MUC5B: variants seen among roughly 807,000 people sequenced by gnomAD.
MUC5B encodes the protein mucin-5B.
A neutral mutation model predicts 376.9 loss-of-function variants in MUC5B; 116 were observed. The ratio of observed to expected loss-of-function variants is 0.31; its 90% CI spans 0.26 to 0.36. The LOEUF (loss-of-function observed/expected upper bound fraction) is 0.36. Among genes scored for constraint, MUC5B ranks in the 10% least tolerant of loss-of-function variants. The pLI, the probability that MUC5B is intolerant of heterozygous loss-of-function variation, is 1.00. For missense variants in MUC5B, 7,165 were observed against 7,769.9 expected (o/e 0.92, Z 2.93); for synonymous variants, 3,517 against 3,390.9 (o/e 1.04, Z -1.29).
In MUC5B at chr11:1,255,530, C is replaced by G; in HGVS notation, c.16038C>G (p.Asp5346Glu). The G allele has an allele frequency of 1.3e-6, 2 of 1,542,486 alleles. No individual in the cohort carries two copies. Among genetic ancestry groups the G allele is most frequent in the Non-Finnish European group, 1.8e-6 (2 of 1,141,498 alleles). The change falls in exon 37 of 49, where the codon GAC becomes GAG. Residue 5346 changes from aspartate to glutamate, a missense_variant. By Grantham distance (45) the Asp-to-Glu change is conservative. Coordinates refer to ENST00000529681, the MANE Select transcript of MUC5B (RefSeq NM_002458.3). The part of the protein sequence containing the change: ...ELCRARGVCS[D>E]WRGATGGLCD... ...GCCGCGCCCGGGGAGTGTGCAGTGACTGGCGAGGTGCAACCGGTGGCCTGT... is the reference window on the plus strand; with the variant it reads ...GCCGCGCCCGGGGAGTGTGCAGTGAGTGGCGAGGTGCAACCGGTGGCCTGT...
At chr11:1,256,850 C>G in intron 39 of MUC5B, 79 bp downstream of exon 39, 1 of 1,107,646 alleles carries the variant, frequency 9.0e-7, no homozygotes, top group Non-Finnish European at 1.3e-6. Context: ...CCGCCCAGGA[C>G]CATGATGTGC....
intron 9 of MUC5B, 83 bp from the exon 10 acceptor site, chr11:1,229,607 G>A: frequency 8.1e-7 from 1 of 1,236,110 alleles, no homozygotes; most frequent in East Asian, 2.6e-5. Flanking sequence ...CCCAAGGGAG[G>A]CAGCTTGTCC....
In MUC5B at chr11:1,254,201, T is replaced by C. The variant is rs749739050; in HGVS notation, c.15327T>C (p.Phe5109=). 1 of 1,612,854 alleles carries C rather than the reference T, an allele frequency of 6.2e-7. No individual in the cohort carries two copies. The highest frequency in any genetic ancestry group is 8.5e-7 in the Non-Finnish European group (1 of 1,179,866). Residue 5109 remains phenylalanine (F), a synonymous_variant, in exon 34 of 49, where the codon TTT becomes TTC. Transcript: ENST00000529681. ...YVLMREIHAR[F]GNLSLYLDNH... ...TCATGAGAGAGATCCATGCACGCTT[T>C]GGGAATCTCAGCCTCTACCTGGACA...
In MUC5B at chr11:1,247,964, A is replaced by C; in HGVS notation, c.11084A>C (p.Lys3695Thr). 2.5e-6 allele frequency: 4 copies of C among 1,610,754 alleles called. No homozygotes were observed. Among genetic ancestry groups the C allele is most frequent in the Non-Finnish European group, 3.4e-6 (4 of 1,177,908 alleles). Residue 3695 changes from lysine (K) to threonine (T), a missense_variant, in exon 31 of 49, where the codon AAG (lysine) becomes ACG (threonine). Coordinates refer to ENST00000529681, the MANE Select transcript of MUC5B (RefSeq NM_002458.3). ...CCGGGGACGACCTGGATCCTCACAA[A>C]GCTGACCACAACAGCCACTACGACT... ...STPGTTWILT[K>T]LTTTATTTES...
intron 2 of MUC5B, 26 bp from the exon 3 acceptor site, chr11:1,226,179 C>G: frequency 6.5e-7 from 1 of 1,543,218 alleles, no homozygotes; most frequent in Non-Finnish European, 8.7e-7. Flanking sequence ...GGCCACGTTC[C>G]TGGGGTGACC....
At position 1,248,014 on chromosome 11, in the gene MUC5B, C is replaced by T; in HGVS notation, c.11134C>T (p.Pro3712Ser). The stretch of plus-strand genomic sequence containing the variant: ...TGAGTCCACTGGATCCACGGCCACC[C>T]CGTCCTCCACCCCAGGGACCACCTG... ...TTESTGSTAT[P>S]SSTPGTTWIL... The change falls in exon 31 of 49, where the codon CCG (proline) becomes TCG (serine). Residue 3712 changes from proline (P) to serine (S), a missense_variant. Around this residue, in one of 31 missense-constraint regions of MUC5B, gnomAD observed 90 missense variants for 71.1 expected, o/e 1.27. Coordinates refer to ENST00000529681, the MANE Select transcript of MUC5B (RefSeq NM_002458.3). 6.8e-6 allele frequency: 11 copies of T among 1,608,658 alleles called. No homozygotes were observed. The highest frequency in any genetic ancestry group is 9.3e-6 in the Non-Finnish European group (11 of 1,177,164).
chr11:1,260,017 G>A lies in MUC5B; in HGVS notation c.16855G>A (p.Glu5619Lys). Residue 5619 changes from glutamate to lysine, a missense_variant, in exon 46 of 49, where the codon GAG becomes AAG. This residue lies in a region of MUC5B where 842 missense variants were observed against 1,016.9 expected (regional missense o/e 0.83). Transcript: ENST00000529681. Reference sequence around the variant, plus strand: ...GGACAACTGCACCGTGTACCTCTGTGAGGCTGAGGGTGGAGTCCATTTGCT... The same window carrying A: ...GGACAACTGCACCGTGTACCTCTGTAAGGCTGAGGGTGGAGTCCATTTGCT... ...HVDNCTVYLC[E>K]AEGGVHLLTP... 1.2e-6 allele frequency: 2 copies of A among 1,612,924 alleles called. No individual in the cohort carries two copies. The highest frequency in any genetic ancestry group is 1.7e-6 in the Non-Finnish European group (2 of 1,179,788).
rs1198513168 is a variant in MUC5B at position 1,227,688 on chromosome 11, C to T, written c.681C>T (p.Thr227=). 4 of 721,526 alleles carry T rather than the reference C, an allele frequency of 5.5e-6. No homozygotes were observed. The allele number at this position is 721,526 out of a possible 1,614,324, so 44.7% of individuals were successfully genotyped here. A position where few individuals can be genotyped will look rare whatever the true frequency, so the allele number is the denominator to read the frequency against. Residue 227 remains threonine (T), a synonymous_variant, in exon 7 of 49, where the codon ACC becomes ACT. Coordinates refer to ENST00000529681, the MANE Select transcript of MUC5B (RefSeq NM_002458.3). ...NEFYAHNARL[T]PLQFGNLQKL... ...TCTTCCCGGCAGACGCCAGGCTGAC[C>T]CCGCTCCAGTTTGGGAACCTGCAGA... is the stretch of plus-strand genomic sequence containing the variant.
intron 3 of MUC5B, 83 bp from the exon 4 acceptor site, chr11:1,226,532 A>T (rs1478296208): frequency 6.7e-7 from 1 of 1,503,044 alleles, no homozygotes; most frequent in Non-Finnish European, 8.9e-7. Flanking sequence ...TTTCCATTCC[A>T]AAAACCAGGG....
chr11:1,229,230 G>A lies in MUC5B; in HGVS notation c.1037G>A (p.Cys346Tyr). ...QECGSPCTDT[C>Y]SNPQRAQLCE... ...TGTGGCTCACCCTGCACGGACACCT[G>A]CTCCAACCCCCAGCGCGCGCAGCTC... Residue 346 changes from cysteine (C) to tyrosine (Y), a missense_variant, in exon 9 of 49, where the codon TGC (cysteine) becomes TAC (tyrosine). This residue lies in a region of MUC5B where 640 missense variants were observed against 733.0 expected (regional missense o/e 0.87). Transcript: ENST00000529681. The A allele has an allele frequency of 6.3e-7, 1 of 1,599,250 alleles. No homozygotes were observed. The highest frequency in any genetic ancestry group is 2.3e-5 in the East Asian group (1 of 44,278).
In MUC5B at chr11:1,235,381, A is replaced by G. The variant is rs1564935370; in HGVS notation, c.2848A>G (p.Thr950Ala). ...ENIPCGTTGT[T>A]CSKAIKLFVE... ...CATCCCCTGTGGGACCACCGGCACCACCTGCTCCAAGGCCATCAAGCTCTT... is the reference window on the plus strand; with the variant it reads ...CATCCCCTGTGGGACCACCGGCACCGCCTGCTCCAAGGCCATCAAGCTCTT... The change falls in exon 23 of 49, where the codon ACC (threonine) becomes GCC (alanine). Residue 950 changes from threonine to alanine, a missense_variant. By Grantham distance (58) the Thr-to-Ala change is moderately conservative (BLOSUM62 0). Transcript: ENST00000529681. 1.2e-6 allele frequency: 2 copies of G among 1,611,406 alleles called. No individual in the cohort carries two copies. The highest frequency in any genetic ancestry group is 1.7e-6 in the Non-Finnish European group (2 of 1,179,550).
chr11:1,259,140 G>C (rs190112841), intron 44 of MUC5B, 79 bp downstream of exon 44: 1 of 1,347,242 alleles, frequency 7.4e-7, no homozygotes, highest in Non-Finnish European at 1.0e-6. Flanking sequence ...CCTGCCCCCA[G>C]GTGAGACCTG....
intron 23 of MUC5B, 40 bp from the exon 24 acceptor site, chr11:1,236,346 C>A (rs1451973375): frequency 6.4e-7 from 1 of 1,574,624 alleles, no homozygotes; most frequent in Admixed American, 1.7e-5. Flanking sequence ...TCCCTGGGGG[C>A]CACAGGGTCG....
Position 1,247,164 on chromosome 11 carries a change from C to T in MUC5B, c.10284C>T (p.Ala3428=), listed in dbSNP as rs1443330560. Residue 3428 remains alanine, a synonymous_variant, in exon 31 of 49, where the codon GCC becomes GCT. Transcript: ENST00000529681. ...CCACCACCGCCACCACACCTGCAGCCACCAGCAGCACAGTGACTCCCTCCT... is the reference window on the plus strand; with the variant it reads ...CCACCACCGCCACCACACCTGCAGCTACCAGCAGCACAGTGACTCCCTCCT... ...VLTTTATTPA[A]TSSTVTPSSA... The T allele has an allele frequency of 1.3e-6, 2 of 1,542,268 alleles. No individual in the cohort carries two copies. Among genetic ancestry groups the T allele is most frequent in the African/African-American group, 2.8e-5 (2 of 72,692 alleles).
rs1862877181 is a variant in MUC5B at position 1,257,650 on chromosome 11, G to GGCTTCGTAACC, written c.16392_16402dup (p.Val5468AlafsTer3). Reference sequence around the variant, plus strand: ...TCAGCCCCCGCCGTGCAACCGTCCCGGCTTCGTAACCGTGACCAGGCCCCG... The same window carrying GGCTTCGTAACC: ...TCAGCCCCCGCCGTGCAACCGTCCCGGCTTCGTAACCGCTTCGTAACCGTGACCAGGCCCCG... On this transcript the variant is annotated frameshift_variant, in exon 41 of 49. Transcript: ENST00000529681. LOFTEE classifies it high-confidence loss of function. The surrounding 1 kb of genome is among the most constrained non-coding windows in gnomAD (Gnocchi z 8.9). 6.3e-7 allele frequency: 1 copy of GGCTTCGTAACC among 1,593,422 alleles called. No individual in the cohort carries two copies. Among genetic ancestry groups the GGCTTCGTAACC allele is most frequent in the Non-Finnish European group, 8.5e-7 (1 of 1,176,292 alleles).
Position 1,230,568 on chromosome 11 carries a change from GCGGTGA to G in MUC5B, c.1441_1446del (p.Val481_Thr482del). The G allele has an allele frequency of 6.2e-7, 1 of 1,611,422 alleles. No homozygotes were observed. Among genetic ancestry groups the G allele is most frequent in the Non-Finnish European group, 8.5e-7 (1 of 1,179,128 alleles). On this transcript the variant is annotated inframe_deletion, in exon 12 of 49. Transcript: ENST00000529681. Reference sequence around the variant, plus strand: ...GACGGACAACGAGAACTGCCTGAAAGCGGTGACGCTCAGCCTGGACGGCGGGGACAC... The same window carrying G: ...GACGGACAACGAGAACTGCCTGAAAGCGCTCAGCCTGGACGGCGGGGACAC...
chr11:1,235,629 C>T (rs924580995), intron 23 of MUC5B: 2 of 591,216 alleles, frequency 3.4e-6, no homozygotes, highest in Admixed American at 2.8e-5. Context: ...GGCAGGGCCA[C>T]ACTCCCTGTC....
intron 44 of MUC5B, 149 bp from the exon 45 acceptor site, chr11:1,259,607 T>G (rs966963098): frequency 1.4e-6 from 1 of 715,186 alleles, no homozygotes; most frequent in Non-Finnish European, 2.3e-6. Context: ...CCGGGATAAC[T>G]GAGTGGGGGC....
rs780225763 is a variant in MUC5B at position 1,243,511 on chromosome 11, C to A, written c.6631C>A (p.Arg2211Ser). 29 of 1,597,234 alleles carry A rather than the reference C, an allele frequency of 1.8e-5. 1 individual carries two copies. In the South Asian group the frequency reaches 3.1e-4, roughly 17 times the overall value. Residue 2211 changes from arginine (R) to serine (S), a missense_variant, in exon 31 of 49, where the codon CGC becomes AGC. By Grantham distance (110) the Arg-to-Ser change is moderately radical. Coordinates refer to ENST00000529681, the MANE Select transcript of MUC5B (RefSeq NM_002458.3). The stretch of plus-strand genomic sequence containing the variant: ...GCCCCCCAGCAGTCCCCACACGGTG[C>A]GCACAGCCTGGACTTCGGCCACCTC... ...SLPPSSPHTVRTAWTSATSGI... is the reference protein window; with the variant it reads ...SLPPSSPHTVSTAWTSATSGI...
Sources: allele counts gnomAD v4.1 joint callset, GRCh38; gene constraint gnomAD v4.1.1; regional missense constraint gnomAD v4.1.1; non-coding constraint Gnocchi (gnomAD v3.1); transcripts MANE v1.5; gene names NCBI Gene and HGNC (gene_info 2026-07-23, HGNC 2026-07-21).